Variants in NT5C2 observed in about 807,000 individuals in gnomAD.
NT5C2 encodes 5'-nucleotidase, cytosolic II, also known as cytosolic purine 5'-nucleotidase.
A neutral mutation model predicts 76.1 loss-of-function variants in NT5C2; 58 were observed. The observed-to-expected ratio is 0.76, with a 90% CI of 0.62 to 0.95. The LOEUF is 0.95. Among genes scored for constraint, NT5C2 ranks in the 40% least tolerant of loss-of-function variants. NT5C2 has a pLI of 0.00. For synonymous variants in NT5C2, 229 were observed against 237.4 expected (o/e 0.96, Z 0.32); for missense variants, 478 against 690.3 (o/e 0.69, Z 3.45).
At chr10:103,130,770 C>G (rs1281539651) in intron 4 of NT5C2, among the ~76,000 whole-genome samples, 1 of 151,794 alleles carries the variant, frequency 6.6e-6, no homozygotes, top group Non-Finnish European at 1.5e-5. Context: ...ACATAAAAAA[C>G]AGGATTCTCA....
At chr10:103,175,158 A>G (rs1040991822) in intron 2 of NT5C2, among the ~76,000 whole-genome samples, 176 bp from the exon 3 acceptor site, 1 of 152,160 alleles carries the variant, frequency 6.6e-6, no homozygotes, top group African/African-American at 2.4e-5. Flanking sequence ...TCAATAATCT[A>G]AAGTTGGAAA....
intron 10 of NT5C2, chr10:103,097,996 G>T (rs769067383): frequency 1.9e-6 from 1 of 520,826 alleles, no homozygotes; most frequent in South Asian, 1.4e-5. Context: ...CTTGAAATAA[G>T]GGAGGTGGGT....
At chr10:103,111,277 A>AT (rs778610428) in intron 4 of NT5C2, among the ~76,000 whole-genome samples, 1 of 152,192 alleles carries the variant, frequency 6.6e-6, no homozygotes, top group Non-Finnish European at 1.5e-5. Context: ...TAGTTACTCA[A>AT]TATCGGAAGA....
At chr10:103,132,424 C>T (rs1398867030) in intron 4 of NT5C2, among the ~76,000 whole-genome samples, 1 of 152,160 alleles carries the variant, frequency 6.6e-6, no homozygotes, top group Non-Finnish European at 1.5e-5. Flanking sequence ...ACTAATAATA[C>T]TGTACTGGTG....
chr10:103,090,279 G>GCAAT (rs2066395693), intron 18 of NT5C2: 1 of 346,834 alleles, frequency 2.9e-6, no homozygotes, highest in East Asian at 5.0e-5. Context: ...GTACAGTGGA[G>GCAAT]CAATCACAGC....
intron 16 of NT5C2, 133 bp downstream of exon 16, chr10:103,091,431 C>T (rs1169255298): frequency 1.5e-6 from 1 of 683,962 alleles, no homozygotes; most frequent in South Asian, 1.7e-5. Flanking sequence ...CTGCAACCTC[C>T]ATTTCCCCGG....
chr10:103,115,903 CAAGT>C (rs1386795013), intron 4 of NT5C2, among the ~76,000 whole-genome samples: 2 of 152,154 alleles, frequency 1.3e-5, no homozygotes, highest in Middle Eastern at 3.4e-3. Flanking sequence ...CTTTCATCTA[CAAGT>C]AAGATAATGC....
At chr10:103,093,632 C>T (rs190943922) in intron 14 of NT5C2, 104 of 362,664 alleles carry the variant, frequency 2.9e-4, no homozygotes, top group Non-Finnish European at 4.4e-4. Context: ...CTGTTTATAA[C>T]TCCAACATAC....
chr10:103,114,541 T>C (rs951078217), intron 4 of NT5C2, among the ~76,000 whole-genome samples: 1 of 152,232 alleles, frequency 6.6e-6, no homozygotes, highest in African/African-American at 2.4e-5. Context: ...CTCTAGCCTA[T>C]ACTTTAGGTC....
intron 1 of NT5C2, among the ~76,000 whole-genome samples, chr10:103,185,714 T>G (rs1332502973): frequency 6.7e-6 from 1 of 148,642 alleles, no homozygotes; most frequent in Non-Finnish European, 1.5e-5. Flanking sequence ...AGGAAAGAAC[T>G]CATTCTCTTA....
chr10:103,171,551 T>TA (rs2134594093), intron 3 of NT5C2, among the ~76,000 whole-genome samples: 1 of 152,322 alleles, frequency 6.6e-6, no homozygotes, highest in South Asian at 2.1e-4. Flanking sequence ...CACCTGTACT[T>TA]ACTGCCGGCT....
chr10:103,123,849 G>GC (rs1434022871), intron 4 of NT5C2, among the ~76,000 whole-genome samples: 15 of 151,616 alleles, frequency 9.9e-5, no homozygotes, highest in Admixed American at 8.5e-4. Flanking sequence ...TTCGAAATTG[G>GC]GGGGGGAAAA....
At chr10:103,115,176 G>T (rs1325146381) in intron 4 of NT5C2, among the ~76,000 whole-genome samples, 2 of 152,212 alleles carry the variant, frequency 1.3e-5, no homozygotes, top group African/African-American at 4.8e-5. Flanking sequence ...CGAGGCAGGT[G>T]GACTACCTGA....
chr10:103,186,720 C>G (rs1158585001), intron 1 of NT5C2, among the ~76,000 whole-genome samples: 2 of 151,096 alleles, frequency 1.3e-5, no homozygotes, highest in African/African-American at 4.9e-5. Context: ...CGAGACCATC[C>G]TGGCTAACAC....
At chr10:103,146,195 C>T (rs1405504711) in intron 3 of NT5C2, 2 of 985,308 alleles carry the variant, frequency 2.0e-6, no homozygotes, top group Non-Finnish European at 2.4e-6. Flanking sequence ...ATGTATCTTC[C>T]GAGACAGTGC....
intron 4 of NT5C2, among the ~76,000 whole-genome samples, chr10:103,122,677 G>T (rs1257373603): frequency 6.6e-6 from 1 of 152,168 alleles, no homozygotes; most frequent in East Asian, 1.9e-4. Flanking sequence ...AATCTAGGAA[G>T]AATTTTTCTC....
chr10:103,154,141 A>C (rs1158776913), intron 3 of NT5C2, among the ~76,000 whole-genome samples: 1 of 152,236 alleles, frequency 6.6e-6, no homozygotes, highest in Admixed American at 6.5e-5. Flanking sequence ...GGGATTATGC[A>C]ACAGGGGAAG....
At position 103,092,620 on chromosome 10, in the gene NT5C2, G is replaced by A. The variant is rs538176436; in HGVS notation, c.1159+519C>T. On this transcript the variant is annotated intron_variant, in intron 15 of 18. Transcript: ENST00000404739. ...CAAGCACTTTTACAGAACTATATCC[G>A]TAACTCAGTTCAGCACAGTGTGTAT... Among the ~76,000 whole-genome samples the A allele has an allele frequency of 5.3e-5, 8 of 152,282 alleles. No individual in the cohort carries two copies. The South Asian group carries it at 6.2e-4, about 12-fold the overall frequency.
chr10:103,100,755 C>A, intron 8 of NT5C2: 1 of 572,536 alleles, frequency 1.7e-6, no homozygotes, highest in Non-Finnish European at 3.3e-6. Flanking sequence ...CACAAACCTC[C>A]CACTCAGTTG....
Sources: allele counts gnomAD v4.1 joint callset (sites outside exome capture counted in the v4.1 genomes callset), GRCh38; gene constraint gnomAD v4.1.1; transcripts MANE v1.5; gene names NCBI Gene and HGNC (gene_info 2026-07-23, HGNC 2026-07-21).